Variants in OXCT1 observed in about 807,000 individuals in gnomAD.
OXCT1 encodes succinyl-CoA:3-ketoacid coenzyme A transferase 1, mitochondrial.
Under a neutral mutation model 69.6 loss-of-function variants are expected in OXCT1, and 27 were observed. The observed-to-expected ratio is 0.39, with a 90% confidence interval of 0.29 to 0.54. The LOEUF is 0.54. Among genes scored for constraint, OXCT1 ranks in the 20% least tolerant of loss-of-function variants. The pLI, the probability that OXCT1 is intolerant of heterozygous loss-of-function variation, is 0.72. For synonymous variants in OXCT1, 202 were observed against 217.8 expected (o/e 0.93, Z 0.64); for missense variants, 437 against 650.2 (o/e 0.67, Z 3.57).
chr5:41,862,383 A>C (rs1749777265), intron 2 of OXCT1, among the ~76,000 whole-genome samples: 1 of 152,132 alleles, frequency 6.6e-6, no homozygotes, highest in South Asian at 2.1e-4. Context: ...TTGAAGCTTC[A>C]GTTTTTCAAA....
At chr5:41,840,217 C>T (rs889547912) in intron 7 of OXCT1, among the ~76,000 whole-genome samples, 6 of 152,118 alleles carry the variant, frequency 3.9e-5, no homozygotes, top group African/African-American at 1.4e-4. Flanking sequence ...AAGCTGGTCC[C>T]ATTGCTTGAT....
At chr5:41,782,956 T>G (rs867658210) in intron 13 of OXCT1, among the ~76,000 whole-genome samples, 3 of 152,240 alleles carry the variant, frequency 2.0e-5, no homozygotes, top group African/African-American at 4.8e-5. Context: ...AGGGTGCTTA[T>G]AGCTGAATGA....
At chr5:41,738,041 C>T (rs894520842) in intron 16 of OXCT1, among the ~76,000 whole-genome samples, 1 of 151,746 alleles carries the variant, frequency 6.6e-6, no homozygotes, top group African/African-American at 2.4e-5. Flanking sequence ...GGCAACAGAA[C>T]AAGACTCCGT....
intron 13 of OXCT1, among the ~76,000 whole-genome samples, chr5:41,764,061 A>C (rs1362143586): frequency 6.6e-6 from 1 of 152,172 alleles, no homozygotes; most frequent in East Asian, 1.9e-4. Flanking sequence ...CTCTTGACTC[A>C]ATATAAGTGA....
chr5:41,790,490 T>C (rs1333660874), intron 13 of OXCT1, among the ~76,000 whole-genome samples: 1 of 152,170 alleles, frequency 6.6e-6, no homozygotes, highest in Non-Finnish European at 1.5e-5. Flanking sequence ...CAACACTGCA[T>C]ACTAAGAAGC....
At chr5:41,792,940 A>G (rs1274072015) in intron 13 of OXCT1, among the ~76,000 whole-genome samples, 1 of 152,220 alleles carries the variant, frequency 6.6e-6, no homozygotes, top group African/African-American at 2.4e-5. Context: ...CCCAGGCATC[A>G]AAATTTCTTA....
chr5:41,846,466 AT>A (rs1298421943), intron 5 of OXCT1, among the ~76,000 whole-genome samples: 1 of 147,256 alleles, frequency 6.8e-6, no homozygotes, highest in Non-Finnish European at 1.5e-5. Flanking sequence ...TGAACTCATC[AT>A]TTTTTATGGC....
At chr5:41,787,232 A>C (rs1745681743) in intron 13 of OXCT1, among the ~76,000 whole-genome samples, 1 of 152,236 alleles carries the variant, frequency 6.6e-6, no homozygotes, top group Non-Finnish European at 1.5e-5. Flanking sequence ...ATACACAATG[A>C]CATAAATTCA....
At chr5:41,817,039 A>G (rs964683014) in intron 7 of OXCT1, among the ~76,000 whole-genome samples, 2 of 152,182 alleles carry the variant, frequency 1.3e-5, no homozygotes, top group Non-Finnish European at 2.9e-5. Flanking sequence ...GAGGTCCCAA[A>G]TCCAAAATAT....
At chr5:41,786,363 C>T (rs530046680) in intron 13 of OXCT1, among the ~76,000 whole-genome samples, 2 of 152,232 alleles carry the variant, frequency 1.3e-5, no homozygotes, top group East Asian at 3.9e-4. Flanking sequence ...TATTTCCTTG[C>T]CTTCCCTTTC....
At chr5:41,867,322 T>C (rs901475452) in intron 1 of OXCT1, among the ~76,000 whole-genome samples, 2 of 152,308 alleles carry the variant, frequency 1.3e-5, no homozygotes, top group East Asian at 1.9e-4. Context: ...AGTTAAAATA[T>C]TGAAAATAAA....
rs746742644 is a variant in OXCT1, at chr5:41,842,760, G to T, written c.586C>A (p.His196Asn). 2 of 1,613,206 alleles carry T rather than the reference G, an allele frequency of 1.2e-6. No homozygotes were observed. Among genetic ancestry groups the T allele is most frequent in the Non-Finnish European group, 1.7e-6 (2 of 1,179,268 alleles). Reference sequence around the variant, plus strand: ...GTAATTGCTTCCTCCAAAATAAAGTGCTGACCATTGAACTCCCTCACCTGC... The same window carrying T: ...GTAATTGCTTCCTCCAAAATAAAGTTCTGACCATTGAACTCCCTCACCTGC... ...PREVREFNGQ[H>N]FILEEAITGD... The change falls in exon 6 of 17, where the codon CAC becomes AAC. Residue 196 changes from histidine to asparagine, a missense_variant. Physicochemically the swap from His to Asn is moderately conservative, Grantham distance 68. Coordinates refer to ENST00000196371, the MANE Select transcript of OXCT1 (RefSeq NM_000436.4).
intron 5 of OXCT1, among the ~76,000 whole-genome samples, chr5:41,844,094 A>C (rs1748777386): frequency 6.6e-6 from 1 of 152,210 alleles, no homozygotes; most frequent in South Asian, 2.1e-4. Flanking sequence ...GGCTTCTTTT[A>C]TATTCTAGTT....
intron 7 of OXCT1, among the ~76,000 whole-genome samples, chr5:41,817,172 T>G (rs1233446381): frequency 6.6e-6 from 1 of 152,156 alleles, no homozygotes; most frequent in African/African-American, 2.4e-5. Context: ...CAATATTTAG[T>G]AAGGGACATT....
intron 13 of OXCT1, among the ~76,000 whole-genome samples, chr5:41,778,465 C>T (rs770764812): frequency 4.6e-5 from 7 of 152,188 alleles, no homozygotes; most frequent in African/African-American, 7.2e-5. Flanking sequence ...AGATGGAAAA[C>T]GCATGTTCAC....
At chr5:41,860,980 A>G (rs1056040129) in intron 3 of OXCT1, among the ~76,000 whole-genome samples, 1 of 152,198 alleles carries the variant, frequency 6.6e-6, no homozygotes, top group Non-Finnish European at 1.5e-5. Context: ...CAATACATTT[A>G]AATTTTAAAA....
intron 7 of OXCT1, among the ~76,000 whole-genome samples, chr5:41,810,779 C>T (rs996876740): frequency 2.6e-5 from 4 of 151,948 alleles, no homozygotes; most frequent in South Asian, 2.1e-4. Context: ...AAGGCAATAA[C>T]GTCCTCATTT....
chr5:41,843,649 C>T lies in OXCT1; in HGVS notation c.565-868G>A, dbSNP rs900264696. The T allele has an allele frequency of 8.8e-5, 40 of 454,314 alleles. No homozygotes were observed. In the East Asian group the frequency reaches 2.7e-3, roughly 31 times the overall value. The allele number at this position is 454,314 out of a possible 1,614,324, so 28.1% of individuals were successfully genotyped here. A position where few individuals can be genotyped will look rare whatever the true frequency, so the allele number is the denominator to read the frequency against. Reference sequence around the variant, plus strand: ...CATCCATTGCCACACTCCATCACTGCACAAAATGGAGCCATGTGAATGTAG... The same window carrying T: ...CATCCATTGCCACACTCCATCACTGTACAAAATGGAGCCATGTGAATGTAG... On this transcript the variant is annotated intron_variant, in intron 5 of 16. Coordinates refer to ENST00000196371, the MANE Select transcript of OXCT1 (RefSeq NM_000436.4).
chr5:41,749,601 C>T lies in OXCT1; in HGVS notation c.1345G>A (p.Ala449Thr). 1 of 1,600,764 alleles carries T rather than the reference C, an allele frequency of 6.2e-7. No homozygotes were observed. Among genetic ancestry groups the T allele is most frequent in the South Asian group, 1.1e-5 (1 of 90,528 alleles). ...VTMEHSAKGN[A>T]HKIMEKCTLP... ...GTACATTTCTCCATGATTTTATGTG[C>T]ATTTCCCTGTTTTAAAAAGAAAACA... Residue 449 changes from alanine (A) to threonine (T), a missense_variant, in exon 15 of 17, where the codon GCA (alanine) becomes ACA (threonine). This residue lies in a region of OXCT1 where 102 missense variants were observed against 162.1 expected (regional missense o/e 0.63). Coordinates refer to ENST00000196371, the MANE Select transcript of OXCT1 (RefSeq NM_000436.4).
Sources: allele counts gnomAD v4.1 joint callset (sites outside exome capture counted in the v4.1 genomes callset), GRCh38; gene constraint gnomAD v4.1.1; regional missense constraint gnomAD v4.1.1; transcripts MANE v1.5; gene names NCBI Gene and HGNC (gene_info 2026-07-23, HGNC 2026-07-21).